CALD1: variants seen among roughly 807,000 people sequenced by gnomAD.
CALD1 encodes caldesmon.
CALD1 carries 33 observed loss-of-function variants against 99.9 expected under a neutral mutation model. That is an observed-to-expected ratio of 0.33 (90% CI 0.25 to 0.44). The LOEUF (loss-of-function observed/expected upper bound fraction) is 0.44. Ranked by LOEUF, CALD1 falls within the 20% of genes least tolerant of loss-of-function variation. The pLI, the probability that CALD1 is intolerant of heterozygous loss-of-function variation, is 1.00. For missense variants in CALD1, 861 were observed against 962.1 expected (o/e 0.89, Z 1.39); for synonymous variants, 310 against 325.0 (o/e 0.95, Z 0.50).
At chr7:134,713,311 T>A in the CALD1 span, among the ~76,000 whole-genome samples, 1 of 152,342 alleles carries the variant, frequency 6.6e-6, no homozygotes, top group South Asian at 2.1e-4. Flanking sequence ...CTCACCTGGA[T>A]GGTGCTGTGG....
upstream of CALD1, among the ~76,000 whole-genome samples, chr7:134,777,174 T>C (rs1414337212): frequency 6.6e-6 from 1 of 152,206 alleles, no homozygotes; most frequent in Non-Finnish European, 1.5e-5. Flanking sequence ...CTTTCTTTTT[T>C]AAATTCTTGA....
rs145863590 is a variant in CALD1, at chr7:134,951,497, G to A, written c.1935+983G>A. Among the ~76,000 whole-genome samples the A allele has an allele frequency of 3.9e-4, 59 of 152,322 alleles. No individual in the cohort carries two copies. The Middle Eastern group carries it at 0.014, about 35-fold the overall frequency. On this transcript the variant is annotated intron_variant, in intron 9 of 14. Transcript: ENST00000361675. ...AAAGTTTAAGCTGCTTTTCATGCTA[G>A]CTGTTCATTTTTTCTTTGTCATGAT...
the CALD1 span, among the ~76,000 whole-genome samples, chr7:134,722,386 C>T: frequency 4.6e-5 from 7 of 150,610 alleles, no homozygotes; most frequent in Middle Eastern, 3.4e-3. Context: ...TGCAGTAGTT[C>T]GATTTTGTTT....
intron 3 of CALD1, among the ~76,000 whole-genome samples, chr7:134,893,515 C>A (rs954802584): frequency 6.6e-6 from 1 of 152,130 alleles, no homozygotes; most frequent in African/African-American, 2.4e-5. Flanking sequence ...AGTACCTGAT[C>A]CGGTGAAATA....
intron 14 of CALD1, among the ~76,000 whole-genome samples, chr7:134,967,519 A>G (rs974022059): frequency 3.3e-5 from 5 of 152,200 alleles, no homozygotes; most frequent in African/African-American, 1.2e-4. Context: ...TATAGGTCAG[A>G]TAAGTCTCGT....
chr7:134,772,858 T>C (rs1796887588), intron 1 of CALD1, among the ~76,000 whole-genome samples: 1 of 152,200 alleles, frequency 6.6e-6, no homozygotes, highest in Non-Finnish European at 1.5e-5. Context: ...TGTTTCTTAA[T>C]GAGCCATACA....
intron 1 of CALD1, chr7:134,745,498 T>G (rs1336375824): frequency 6.6e-6 from 1 of 152,192 alleles, no homozygotes; most frequent in African/African-American, 2.4e-5. Context: ...CTCCCTTGCA[T>G]TGTATTCAGG....
chr7:134,960,204 G>T, intron 12 of CALD1, 93 bp downstream of exon 12: 1 of 1,419,386 alleles, frequency 7.0e-7, no homozygotes, highest in Non-Finnish European at 9.9e-7. Flanking sequence ...AATAATAAAA[G>T]CAGTGAAGAA....
At chr7:134,942,080 A>G (rs1660426502) in intron 7 of CALD1, among the ~76,000 whole-genome samples, 1 of 152,120 alleles carries the variant, frequency 6.6e-6, no homozygotes, top group East Asian at 1.9e-4. Flanking sequence ...CTCTCCAACC[A>G]CTGGGGCCAA....
chr7:134,895,488 C>T (rs185989382), intron 3 of CALD1, among the ~76,000 whole-genome samples: 2 of 152,200 alleles, frequency 1.3e-5, no homozygotes, highest in Non-Finnish European at 2.9e-5. Context: ...ATAAGACTCC[C>T]ATCCAAAAAT....
intron 1 of CALD1, among the ~76,000 whole-genome samples, chr7:134,751,728 G>A (rs1376023511): frequency 1.3e-5 from 2 of 152,150 alleles, no homozygotes; most frequent in Non-Finnish European, 2.9e-5. Context: ...TGTAGTCCCA[G>A]CACTTCAGGA....
intron 1 of CALD1, among the ~76,000 whole-genome samples, chr7:134,819,452 C>T (rs533943576): frequency 3.9e-4 from 59 of 152,188 alleles, no homozygotes; most frequent in Non-Finnish European, 8.1e-4. Flanking sequence ...TGGGCCATAC[C>T]GCTCAAGTTT....
intron 11 of CALD1, 117 bp downstream of exon 11, chr7:134,958,407 A>ATT (rs5887717): frequency 3.1e-3 from 1,633 of 527,578 alleles, no homozygotes; most frequent in South Asian, 7.3e-3. Context: ...GAGTGTTAGA[A>ATT]TTTTTTTTTT....
chr7:134,780,312 C>A (rs141893081), intron 1 of CALD1, among the ~76,000 whole-genome samples: 74 of 152,286 alleles, frequency 4.9e-4, no homozygotes, highest in African/African-American at 1.6e-3. Context: ...GGAGAGATCA[C>A]TAGCACCTAG....
chr7:134,887,056 C>T (rs982075757), intron 3 of CALD1, among the ~76,000 whole-genome samples: 7 of 152,186 alleles, frequency 4.6e-5, no homozygotes, highest in Non-Finnish European at 1.0e-4. Flanking sequence ...ACCCAAGCCC[C>T]TATTACAGGC....
intron 1 of CALD1, among the ~76,000 whole-genome samples, chr7:134,840,231 G>T (rs190337426): frequency 7.2e-5 from 11 of 152,264 alleles, no homozygotes; most frequent in Admixed American, 6.5e-4. Flanking sequence ...CTAAATAGAG[G>T]TCAAGTTTTG....
intron 6 of CALD1, among the ~76,000 whole-genome samples, chr7:134,940,828 C>A (rs1022014653): frequency 6.6e-6 from 1 of 152,184 alleles, no homozygotes; most frequent in Non-Finnish European, 1.5e-5. Context: ...AATAGTACTA[C>A]CACTGCTCTT....
intron 3 of CALD1, among the ~76,000 whole-genome samples, chr7:134,870,426 T>G (rs1345309268): frequency 1.3e-5 from 2 of 152,208 alleles, no homozygotes; most frequent in Non-Finnish European, 2.9e-5. Flanking sequence ...CCCAGTTTCT[T>G]CAGGTTCAGG....
At chr7:134,733,800 C>G in the CALD1 span, among the ~76,000 whole-genome samples, 2 of 136,350 alleles carry the variant, frequency 1.5e-5, no homozygotes, top group African/African-American at 5.6e-5. Flanking sequence ...CTGAGCGAGA[C>G]TCTGTCTCAA....
Sources: gnomAD v4.1 joint callset for allele counts (sites outside exome capture counted in the v4.1 genomes callset) on GRCh38, gnomAD v4.1.1 for gene constraint, MANE v1.5 for transcripts, NCBI Gene and HGNC (gene_info 2026-07-23, HGNC 2026-07-21) for gene names.